Variants in KCNU1 observed in about 807,000 individuals in gnomAD.
The protein encoded by KCNU1 is potassium calcium-activated channel subfamily U member 1.
A neutral mutation model predicts 126.8 loss-of-function variants in KCNU1; 93 were observed. The observed-to-expected ratio is 0.73, with a 90% CI of 0.62 to 0.87. The LOEUF is 0.87. Among genes scored for constraint, KCNU1 ranks in the 40% least tolerant of loss-of-function variants. The probability of loss-of-function intolerance (pLI) is 0.00; values close to 1 mark genes in which losing one functional copy is unlikely to be tolerated. For synonymous variants in KCNU1, 523 were observed against 494.2 expected, an observed-to-expected ratio of 1.06 and a Z score of -0.77; for missense variants, 1,330 against 1,367.1, an observed-to-expected ratio of 0.97 and a Z score of 0.43.
chr8:36,928,935 A>G (rs1434115896), intron 24 of KCNU1: 7 of 681,578 alleles, frequency 1.0e-5, no homozygotes, highest in Admixed American at 8.6e-5. Flanking sequence ...ATCTACACTC[A>G]TTAATATCAC....
chr8:36,845,969 G>T (rs1805130535), intron 18 of KCNU1, 70 bp downstream of exon 18: 2 of 901,598 alleles, frequency 2.2e-6, no homozygotes, highest in Middle Eastern at 2.2e-4. Context: ...AGAGAAGAGG[G>T]TTCCATCTCT....
chr8:36,932,891 A>G (rs1808743215), intron 25 of KCNU1, 29 bp from the exon 26 acceptor site: 1 of 1,270,072 alleles, frequency 7.9e-7, no homozygotes, highest in Non-Finnish European at 1.1e-6. Context: ...AGTGCCCAGC[A>G]GACATATTTT....
intron 2 of KCNU1, among the ~76,000 whole-genome samples, chr8:36,796,143 C>T (rs988021488): frequency 2.0e-5 from 3 of 152,106 alleles, no homozygotes; most frequent in African/African-American, 7.2e-5. Flanking sequence ...TTGTTTGATA[C>T]ATTATCTATT....
intron 2 of KCNU1, among the ~76,000 whole-genome samples, chr8:36,794,379 A>T (rs1803016539): frequency 1.3e-5 from 2 of 152,132 alleles, no homozygotes; most frequent in African/African-American, 2.4e-5. Context: ...AGCTTTATTC[A>T]TTAATTCTAC....
intron 19 of KCNU1, among the ~76,000 whole-genome samples, chr8:36,904,484 G>A (rs1377519924): frequency 1.3e-5 from 2 of 152,166 alleles, no homozygotes; most frequent in African/African-American, 4.8e-5. Context: ...TCAAATGCCA[G>A]TTTTGCACTT....
chr8:36,880,655 C>T (rs770438611), intron 19 of KCNU1, among the ~76,000 whole-genome samples: 8 of 152,078 alleles, frequency 5.3e-5, no homozygotes, highest in Non-Finnish European at 1.0e-4. Context: ...GGTTGGAATC[C>T]CTGACTGGCA....
At chr8:36,922,174 C>T (rs1479662225) in intron 23 of KCNU1, among the ~76,000 whole-genome samples, 1 of 152,094 alleles carries the variant, frequency 6.6e-6, no homozygotes, top group African/African-American at 2.4e-5. Context: ...CTTTTGCTCC[C>T]CCAAAATATC....
At chr8:36,932,074 G>C (rs1808718716) in intron 25 of KCNU1, among the ~76,000 whole-genome samples, 1 of 152,100 alleles carries the variant, frequency 6.6e-6, no homozygotes, top group Non-Finnish European at 1.5e-5. Flanking sequence ...AAAACCCCCA[G>C]GTAGAACAGT....
At chr8:36,916,823 C>G (rs554781051) in intron 22 of KCNU1, among the ~76,000 whole-genome samples, 1 of 152,254 alleles carries the variant, frequency 6.6e-6, no homozygotes, top group African/African-American at 2.4e-5. Flanking sequence ...TCATGAGGAG[C>G]TTCAGTTTTT....
chr8:36,864,764 C>T (rs1805848531), intron 19 of KCNU1, among the ~76,000 whole-genome samples: 1 of 152,176 alleles, frequency 6.6e-6, no homozygotes, highest in Admixed American at 6.6e-5. Flanking sequence ...ACCCAACTTT[C>T]TTTCACACCA....
At chr8:36,879,378 G>A (rs1806394372) in intron 19 of KCNU1, among the ~76,000 whole-genome samples, 2 of 151,410 alleles carry the variant, frequency 1.3e-5, no homozygotes, top group Admixed American at 6.6e-5. Flanking sequence ...ACACACTTGT[G>A]GTATAAATCT....
rs1214966328 is a variant in KCNU1 at position 36,910,920 on chromosome 8, C to G, written c.2332-10C>G. The G allele has an allele frequency of 1.3e-6, 2 of 1,558,506 alleles. No homozygotes were observed. The highest frequency in any genetic ancestry group is 1.4e-5 in the African/African-American group (1 of 73,658). On this transcript the variant is annotated splice_polypyrimidine_tract_variant and intron_variant, in intron 21 of 26. Transcript: ENST00000399881. ...CGACCAGTGCCTCCTCTCTCTTTTC[C>G]TCTCATTAGGGATGTGCACTTTATT... is the stretch of plus-strand genomic sequence containing the variant.
chr8:36,926,471 A>G (rs1375869629), intron 24 of KCNU1, among the ~76,000 whole-genome samples: 1 of 152,018 alleles, frequency 6.6e-6, no homozygotes, highest in African/African-American at 2.4e-5. Context: ...TCTGTGGTAT[A>G]TTAGAGGCGC....
intron 19 of KCNU1, chr8:36,888,650 G>A (rs533252969): frequency 5.6e-6 from 3 of 534,418 alleles, no homozygotes; most frequent in South Asian, 4.2e-5. Flanking sequence ...TGAAAGTACT[G>A]AGGATGAAGT....
intron 7 of KCNU1, among the ~76,000 whole-genome samples, chr8:36,810,724 T>C (rs1417644725): frequency 6.6e-6 from 1 of 152,166 alleles, no homozygotes; most frequent in Non-Finnish European, 1.5e-5. Context: ...TGTGCCTAAA[T>C]TCTGCTAAAA....
chr8:36,837,053 A>C, intron 14 of KCNU1, 108 bp downstream of exon 14: 1 of 1,009,678 alleles, frequency 9.9e-7, no homozygotes, highest in Non-Finnish European at 1.5e-6. Flanking sequence ...CCAAGCAATG[A>C]GATATGACTT....
At chr8:36,832,118 A>G (rs1804575170) in intron 10 of KCNU1, among the ~76,000 whole-genome samples, 1 of 152,136 alleles carries the variant, frequency 6.6e-6, no homozygotes, top group Non-Finnish European at 1.5e-5. Context: ...CCATTGATCT[A>G]TATCTCTGTT....
At chr8:36,817,999 A>T (rs1355118300) in intron 10 of KCNU1, among the ~76,000 whole-genome samples, 1 of 152,174 alleles carries the variant, frequency 6.6e-6, no homozygotes, top group African/African-American at 2.4e-5. Context: ...ATCATTTGGC[A>T]TTTAGGTTAC....
At chr8:36,794,245 T>G (rs577053305) in intron 2 of KCNU1, among the ~76,000 whole-genome samples, 2 of 152,020 alleles carry the variant, frequency 1.3e-5, no homozygotes, top group South Asian at 4.2e-4. Flanking sequence ...CTTTTTTTTT[T>G]GGTATGCCTC....
Sources: gnomAD v4.1 joint callset for allele counts (sites outside exome capture counted in the v4.1 genomes callset) on GRCh38, gnomAD v4.1.1 for gene constraint, MANE v1.5 for transcripts, NCBI Gene and HGNC (gene_info 2026-07-23, HGNC 2026-07-21) for gene names.